The following SDK2 variants were observed in gnomAD, a reference collection of about 807,000 sequenced individuals.
SDK2 encodes protein sidekick-2.
Under a neutral mutation model 253.9 loss-of-function variants are expected in SDK2, and 105 were observed. The ratio of observed to expected loss-of-function variants is 0.41; its 90% CI spans 0.35 to 0.49. The LOEUF is 0.49. Among genes scored for constraint, SDK2 ranks in the 20% least tolerant of loss-of-function variants. The pLI is 0.06. For missense variants in SDK2, 2,608 were observed against 3,003.0 expected (o/e 0.87, Z 3.07); for synonymous variants, 1,249 against 1,234.9 (o/e 1.01, Z -0.24).
At chr17:73,539,987 A>G (rs1382219753) in intron 1 of SDK2, among the ~76,000 whole-genome samples, 1 of 147,224 alleles carries the variant, frequency 6.8e-6, no homozygotes, top group Admixed American at 6.7e-5. Context: ...GAGCCACGGT[A>G]CCCAGGATGG....
intron 1 of SDK2, among the ~76,000 whole-genome samples, chr17:73,582,673 T>G (rs1030690020): frequency 6.6e-6 from 1 of 152,116 alleles, no homozygotes; most frequent in African/African-American, 2.4e-5. Context: ...TCCTGAATGG[T>G]GCCTTCATCT....
chr17:73,644,068 C>A lies in SDK2; in HGVS notation c.21G>T (p.Trp7Cys). The A allele has an allele frequency of 6.5e-7, 1 of 1,544,904 alleles. No homozygotes were observed. Among genetic ancestry groups the A allele is most frequent in the African/African-American group, 1.4e-5 (1 of 72,874 alleles). MWGLLI[W>C]TLLALHQIRA... ...GGATCTGATGCAGAGCTAGCAGTGTCCAGATCAAAAGCCCCCACATGGTGA... is the reference window on the plus strand; with the variant it reads ...GGATCTGATGCAGAGCTAGCAGTGTACAGATCAAAAGCCCCCACATGGTGA... Residue 7 changes from tryptophan (W) to cysteine (C), a missense_variant, in exon 1 of 45, where the codon TGG becomes TGT. Trp to Cys is a radical substitution (Grantham distance 215). Around this residue, in one of 2 missense-constraint regions of SDK2, gnomAD observed 1,505 missense variants for 1,859.1 expected, o/e 0.81. Transcript: ENST00000392650. This position sits in a 1 kb window ranked among gnomAD's most constrained non-coding sequence, Gnocchi z 6.3.
At chr17:73,633,837 C>T (rs911675105) in intron 1 of SDK2, among the ~76,000 whole-genome samples, 2 of 151,866 alleles carry the variant, frequency 1.3e-5, no homozygotes, top group Non-Finnish European at 2.9e-5. Flanking sequence ...GACGGCTTCA[C>T]GCTAGACTTT....
In SDK2 at chr17:73,431,809, T is replaced by G; in HGVS notation, c.1313-140A>C. On this transcript the variant is annotated intron_variant, in intron 10 of 44. Transcript: ENST00000392650. This position sits in a 1 kb window ranked among gnomAD's most constrained non-coding sequence, Gnocchi z 5.6. ...TGGAAGGAATGAGGACAGATGGCGG[T>G]GGGGCTGGGGTGGGGGCTGAGAGAC... 1 of 915,372 alleles carries G rather than the reference T, an allele frequency of 1.1e-6. No homozygotes were observed. Among genetic ancestry groups the G allele is most frequent in the African/African-American group, 1.7e-5 (1 of 59,186 alleles). The allele number at this position is 915,372 out of a possible 1,614,324, so 56.7% of individuals were successfully genotyped here.
intron 4 of SDK2, among the ~76,000 whole-genome samples, chr17:73,451,349 A>G (rs2063488450): frequency 6.6e-6 from 1 of 152,184 alleles, no homozygotes; most frequent in Non-Finnish European, 1.5e-5. Context: ...TCTACTAAAA[A>G]TACAAAATTA....
intron 1 of SDK2, among the ~76,000 whole-genome samples, chr17:73,572,887 G>A (rs1428321293): frequency 6.6e-6 from 1 of 152,132 alleles, no homozygotes; most frequent in East Asian, 1.9e-4. Context: ...TCCTCCCGGG[G>A]AGCCTCCCAG....
intron 4 of SDK2, among the ~76,000 whole-genome samples, chr17:73,452,840 G>T (rs78841973): frequency 0.013 from 1,939 of 152,276 alleles, 17 homozygotes; most frequent in Non-Finnish European, 0.02. Context: ...GCTGGGATGG[G>T]GCTGGGACTC....
chr17:73,567,830 C>CG (rs1408551216), intron 1 of SDK2, among the ~76,000 whole-genome samples: 2 of 152,332 alleles, frequency 1.3e-5, no homozygotes, highest in East Asian at 3.9e-4. Context: ...TTACCTCATG[C>CG]CTGTACCACC....
chr17:73,359,197 G>A (rs574074803), intron 39 of SDK2, among the ~76,000 whole-genome samples: 158 of 152,124 alleles, frequency 1.0e-3, no homozygotes, highest in Non-Finnish European at 1.9e-3. Context: ...TGTTGGTGGG[G>A]GGTCTCTGTG....
At position 73,455,120 on chromosome 17, in the gene SDK2, G is replaced by A. The variant is rs1212901207; in HGVS notation, c.479+786C>T. 6.6e-6 allele frequency among the ~76,000 whole-genome samples: 1 copy of A among 152,190 alleles called. No individual in the cohort carries two copies. Among genetic ancestry groups the A allele is most frequent in the Non-Finnish European group, 1.5e-5 (1 of 68,042 alleles). Reference sequence around the variant, plus strand: ...ACGCCTCCACTCTCTACAGAGACCAGGACAGGCTCAGTCCTGTGTACACGC... The same window carrying A: ...ACGCCTCCACTCTCTACAGAGACCAAGACAGGCTCAGTCCTGTGTACACGC... On this transcript the variant is annotated intron_variant, in intron 4 of 44. Transcript: ENST00000392650. This position sits in a 1 kb window ranked among gnomAD's most constrained non-coding sequence, Gnocchi z 5.0.
intron 2 of SDK2, among the ~76,000 whole-genome samples, chr17:73,489,978 C>T (rs1381540591): frequency 1.2e-4 from 18 of 152,170 alleles, no homozygotes; most frequent in Non-Finnish European, 2.9e-5. Context: ...GAGTTTTCTG[C>T]AAAGAGTGGA....
chr17:73,539,873 G>GCCAC (rs2044837761), intron 1 of SDK2, among the ~76,000 whole-genome samples: 1 of 151,980 alleles, frequency 6.6e-6, no homozygotes. Context: ...CTGTGAGCTG[G>GCCAC]GGTACCCAGG....
intron 36 of SDK2, among the ~76,000 whole-genome samples, chr17:73,371,095 T>G (rs1183041246): frequency 6.6e-6 from 1 of 152,146 alleles, no homozygotes; most frequent in Non-Finnish European, 1.5e-5. Context: ...AAAAGCAGAT[T>G]CTTCTCATAT....
At chr17:73,342,298 G>C (rs985720231) in intron 44 of SDK2, among the ~76,000 whole-genome samples, 7 of 152,118 alleles carry the variant, frequency 4.6e-5, no homozygotes, top group African/African-American at 1.4e-4. Flanking sequence ...CCCTGGGCTC[G>C]GTCTGCCCCA....
chr17:73,503,328 C>T (rs1453840361), intron 2 of SDK2, among the ~76,000 whole-genome samples: 1 of 152,114 alleles, frequency 6.6e-6, no homozygotes, highest in Non-Finnish European at 1.5e-5. Flanking sequence ...GTTAAATTTC[C>T]CAACTGTGAA....
In SDK2 at chr17:73,382,902, G is replaced by T. The variant is rs949112268; in HGVS notation, c.4705+974C>A. Among the ~76,000 whole-genome samples the T allele has an allele frequency of 1.3e-5, 2 of 152,246 alleles. 1 individual carries two copies. The highest frequency in any genetic ancestry group is 4.1e-4 in the South Asian group (2 of 4,824). ...ACATTAGCTGGGCGTGGTGGCACAC[G>T]CCTGGAGTCCTAGCTACTTGGGAGG... On this transcript the variant is annotated intron_variant, in intron 33 of 44. Coordinates refer to ENST00000392650, the MANE Select transcript of SDK2 (RefSeq NM_001144952.2).
At chr17:73,569,643 GA>G (rs2145864719) in intron 1 of SDK2, among the ~76,000 whole-genome samples, 1 of 123,756 alleles carries the variant, frequency 8.1e-6, no homozygotes, top group Non-Finnish European at 1.7e-5. Flanking sequence ...CCAGGCATTG[GA>G]ATTTTTTTTT....
chr17:73,363,345 C>T (rs957799409), intron 38 of SDK2, among the ~76,000 whole-genome samples: 2 of 152,200 alleles, frequency 1.3e-5, no homozygotes, highest in Admixed American at 6.5e-5. Context: ...GCTGGGATTG[C>T]AGGTGTGAGC....
chr17:73,456,943 G>A (rs1165524124), intron 3 of SDK2, among the ~76,000 whole-genome samples: 1 of 152,220 alleles, frequency 6.6e-6, no homozygotes, highest in African/African-American at 2.4e-5. Flanking sequence ...GTGGCCCATG[G>A]GCAGGTGCCT....
Sources: allele counts gnomAD v4.1 joint callset (sites outside exome capture counted in the v4.1 genomes callset), GRCh38; gene constraint gnomAD v4.1.1; regional missense constraint gnomAD v4.1.1; non-coding constraint Gnocchi (gnomAD v3.1); transcripts MANE v1.5; gene names NCBI Gene and HGNC (gene_info 2026-07-23, HGNC 2026-07-21).